HCN1: variants seen among roughly 807,000 people sequenced by gnomAD.
HCN1 encodes hyperpolarization activated cyclic nucleotide gated potassium channel 1, also known as potassium/sodium hyperpolarization-activated cyclic nucleotide-gated channel 1.
A neutral mutation model predicts 78.9 loss-of-function variants in HCN1; 13 were observed. That is an observed-to-expected ratio of 0.16 (90% CI 0.11 to 0.26). The LOEUF is 0.26. Ranked by LOEUF, HCN1 falls within the 10% of genes least tolerant of loss-of-function variation. HCN1 has a pLI of 1.00. For missense variants in HCN1, 810 were observed against 1,154.3 expected (o/e 0.70, Z 4.32); for synonymous variants, 552 against 455.5 (o/e 1.21, Z -2.70).
chr5:45,612,859 C>G (rs1744865676), intron 2 of HCN1, among the ~76,000 whole-genome samples: 1 of 152,000 alleles, frequency 6.6e-6, no homozygotes, highest in Non-Finnish European at 1.5e-5. Flanking sequence ...TCCAGAGAAA[C>G]AAAGTGTGTG....
chr5:45,295,700 G>A (rs933996694), intron 6 of HCN1, among the ~76,000 whole-genome samples: 3 of 151,922 alleles, frequency 2.0e-5, no homozygotes, highest in Non-Finnish European at 4.4e-5. Flanking sequence ...AATGTTTGGT[G>A]AACTGATTAT....
At chr5:45,344,409 C>T (rs1746653685) in intron 5 of HCN1, among the ~76,000 whole-genome samples, 1 of 152,074 alleles carries the variant, frequency 6.6e-6, no homozygotes, top group East Asian at 1.9e-4. Context: ...TCCCAACAGT[C>T]CCCCAAAGTC....
intron 4 of HCN1, among the ~76,000 whole-genome samples, chr5:45,391,445 ACT>A: frequency 6.6e-6 from 1 of 152,268 alleles, no homozygotes; most frequent in East Asian, 1.9e-4. Context: ...ACAGGATGTA[ACT>A]TTTTTCTTTT....
intron 5 of HCN1, among the ~76,000 whole-genome samples, chr5:45,322,035 T>G (rs921482732): frequency 6.6e-6 from 1 of 151,876 alleles, no homozygotes; most frequent in Non-Finnish European, 1.5e-5. Context: ...TCTTGAGGCA[T>G]AACTAAATGA....
Position 45,379,167 on chromosome 5 carries a change from T to C in HCN1, c.1230+17325A>G, listed in dbSNP as rs376380015. Among the ~76,000 whole-genome samples the C allele has an allele frequency of 2.4e-4, 37 of 152,266 alleles. 1 individual carries two copies. The highest frequency in any genetic ancestry group is 8.9e-4 in the African/African-American group (37 of 41,564). ...TGGGATGGTTCGGTCAAATGGTATTTCTAGTTCTAGATGCTTGAGGAATCG... is the reference window on the plus strand; with the variant it reads ...TGGGATGGTTCGGTCAAATGGTATTCCTAGTTCTAGATGCTTGAGGAATCG... On this transcript the variant is annotated intron_variant, in intron 4 of 7. Coordinates refer to ENST00000303230, the MANE Select transcript of HCN1 (RefSeq NM_021072.4).
At chr5:45,387,936 A>G (rs1030278790) in intron 4 of HCN1, among the ~76,000 whole-genome samples, 1 of 152,200 alleles carries the variant, frequency 6.6e-6, no homozygotes, top group Non-Finnish European at 1.5e-5. Context: ...GATAAAAGCT[A>G]TGTGAATGTT....
intron 7 of HCN1, among the ~76,000 whole-genome samples, chr5:45,265,570 T>G (rs920729605): frequency 2.0e-5 from 3 of 152,184 alleles, no homozygotes; most frequent in African/African-American, 7.2e-5. Flanking sequence ...CTCTATGCAG[T>G]CTGCTGTCCT....
chr5:45,343,676 G>T (rs1746633367), intron 5 of HCN1, among the ~76,000 whole-genome samples: 1 of 152,122 alleles, frequency 6.6e-6, no homozygotes, highest in Non-Finnish European at 1.5e-5. Context: ...TACTACATGT[G>T]TGGGTGCAGG....
rs544405924 is a variant in HCN1 at position 45,289,062 on chromosome 5, T to TG, written c.1618+14536dup. On this transcript the variant is annotated intron_variant, in intron 6 of 7. Coordinates refer to ENST00000303230, the MANE Select transcript of HCN1 (RefSeq NM_021072.4). Reference sequence around the variant, plus strand: ...GTCCTTTACTCATAAGCTGTGTTTTTGGGGGGCATTATACAATATAACCTT... The same window carrying TG: ...GTCCTTTACTCATAAGCTGTGTTTTTGGGGGGGCATTATACAATATAACCTT... Among the ~76,000 whole-genome samples the TG allele has an allele frequency of 5.4e-3, 828 of 152,198 alleles. 6 individuals carry two copies. The highest frequency in any genetic ancestry group is 0.019 in the African/African-American group (775 of 41,546).
chr5:45,338,547 C>A (rs1247336547), intron 5 of HCN1, among the ~76,000 whole-genome samples: 2 of 152,016 alleles, frequency 1.3e-5, no homozygotes, highest in Non-Finnish European at 1.5e-5. Flanking sequence ...TCTGGATATC[C>A]TAGTTCACTC....
chr5:45,342,790 C>G (rs1337042016), intron 5 of HCN1, among the ~76,000 whole-genome samples: 1 of 152,038 alleles, frequency 6.6e-6, no homozygotes, highest in African/African-American at 2.4e-5. Context: ...AATACAAATA[C>G]TTGTTTTTAA....
At chr5:45,407,481 A>T (rs896129290) in intron 3 of HCN1, among the ~76,000 whole-genome samples, 1 of 151,996 alleles carries the variant, frequency 6.6e-6, no homozygotes, top group African/African-American at 2.4e-5. Flanking sequence ...TTGTAAAACA[A>T]CCTCAGGTAT....
At chr5:45,674,046 C>A (rs1047062556) in intron 1 of HCN1, among the ~76,000 whole-genome samples, 18 of 151,230 alleles carry the variant, frequency 1.2e-4, no homozygotes, top group African/African-American at 4.1e-4. Context: ...AAGTGAAAAC[C>A]TTTTAGTTAT....
In HCN1 at chr5:45,262,038, CG is replaced by C; in HGVS notation, c.2555del (p.Pro852ArgfsTer24). 6.2e-7 allele frequency: 1 copy of C among 1,613,716 alleles called. No individual in the cohort carries two copies. The highest frequency in any genetic ancestry group is 8.5e-7 in the Non-Finnish European group (1 of 1,179,992). On this transcript the variant is annotated frameshift_variant, in exon 8 of 8. Coordinates refer to ENST00000303230, the MANE Select transcript of HCN1 (RefSeq NM_021072.4). LOFTEE classifies it high-confidence loss of function. ...FRQMSSGAIPPNRGVPPAPPP... is the reference protein window; with the variant it reads ...FRQMSSGAIPXNRGVPPAPPP... ...GGGGTGCTGGAGGGACTCCTCGGTT[CG>C]GGGGGATGGCTCCCGACGACATCTG...
At chr5:45,271,133 A>T (rs1561082792) in intron 6 of HCN1, among the ~76,000 whole-genome samples, 1 of 152,266 alleles carries the variant, frequency 6.6e-6, no homozygotes, top group East Asian at 1.9e-4. Flanking sequence ...CTCTTAACCC[A>T]AAGGTTTTCT....
At chr5:45,328,018 T>A (rs183399187) in intron 5 of HCN1, among the ~76,000 whole-genome samples, 1 of 151,832 alleles carries the variant, frequency 6.6e-6, no homozygotes, top group East Asian at 1.9e-4. Flanking sequence ...ACAAGAAGAA[T>A]GAAGTTGCCC....
At chr5:45,445,060 C>A (rs368192993) in intron 3 of HCN1, among the ~76,000 whole-genome samples, 3 of 152,170 alleles carry the variant, frequency 2.0e-5, no homozygotes, top group South Asian at 2.1e-4. Flanking sequence ...GCGCACCGTG[C>A]GTGAGCCGAA....
chr5:45,345,297 T>C (rs911258011), intron 5 of HCN1, among the ~76,000 whole-genome samples: 10 of 152,120 alleles, frequency 6.6e-5, no homozygotes, highest in South Asian at 2.1e-4. Flanking sequence ...AGGTCTGTGA[T>C]GGGAGGGGCT....
At chr5:45,595,734 G>T (rs1457782922) in intron 2 of HCN1, among the ~76,000 whole-genome samples, 1 of 151,132 alleles carries the variant, frequency 6.6e-6, no homozygotes, top group East Asian at 1.9e-4. Context: ...GACTCTATAT[G>T]AAACAATTAA....
Sources: allele counts gnomAD v4.1 joint callset (sites outside exome capture counted in the v4.1 genomes callset), GRCh38; gene constraint gnomAD v4.1.1; transcripts MANE v1.5; gene names NCBI Gene and HGNC (gene_info 2026-07-23, HGNC 2026-07-21).